ZFAT: variants seen among roughly 807,000 people sequenced by gnomAD.
ZFAT encodes the protein zinc finger protein ZFAT.
A neutral mutation model predicts 117.7 loss-of-function variants in ZFAT; 64 were observed. The ratio of observed to expected loss-of-function variants is 0.54; its 90% CI spans 0.44 to 0.67. The LOEUF (loss-of-function observed/expected upper bound fraction) is 0.67, where lower values mean the gene tolerates loss of function less well. Ranked by LOEUF, ZFAT falls within the 30% of genes least tolerant of loss-of-function variation. The pLI, the probability that ZFAT is intolerant of heterozygous loss-of-function variation, is 0.00. For missense variants in ZFAT, 1,433 were observed against 1,584.5 expected (o/e 0.90, Z 1.62); for synonymous variants, 679 against 615.0 (o/e 1.10, Z -1.54).
At chr8:134,612,601 C>A (rs943249912) in intron 3 of ZFAT, among the ~76,000 whole-genome samples, 3 of 152,226 alleles carry the variant, frequency 2.0e-5, no homozygotes, top group Admixed American at 1.3e-4. Context: ...GTTCGTCCCA[C>A]AATCCAGGTG....
rs759184164 is a variant in ZFAT at position 134,602,815 on chromosome 8, G to A, written c.904C>T (p.Pro302Ser). Residue 302 changes from proline to serine, a missense_variant, in exon 6 of 16, where the codon CCC (proline) becomes TCC (serine). Coordinates refer to ENST00000377838, the MANE Select transcript of ZFAT (RefSeq NM_020863.4). ...ATGGCACTGGCATAGCTGCACTGGG[G>A]GCACTTGTATGGCTTTTCATTGGTG... is the stretch of plus-strand genomic sequence containing the variant. Reference protein sequence around the residue: ...IHTNEKPYKCPQCSYASAIKA... With the variant: ...IHTNEKPYKCSQCSYASAIKA... 4 of 1,614,226 alleles carry A rather than the reference G, an allele frequency of 2.5e-6. No individual in the cohort carries two copies. The highest frequency in any genetic ancestry group is 2.2e-5 in the East Asian group (1 of 44,882).
chr8:134,740,748 A>G, the ZFAT span, among the ~76,000 whole-genome samples: 2 of 152,162 alleles, frequency 1.3e-5, no homozygotes, highest in Non-Finnish European at 2.9e-5. Flanking sequence ...AAAGACTCAG[A>G]GCTCATGTGC....
chr8:134,572,751 C>G (rs1007890319), intron 10 of ZFAT, among the ~76,000 whole-genome samples: 2 of 152,030 alleles, frequency 1.3e-5, no homozygotes, highest in Non-Finnish European at 2.9e-5. Context: ...TGGAGAAACA[C>G]TCTTGCAGAA....
chr8:134,601,636 T>C lies in ZFAT; in HGVS notation c.2083A>G (p.Ile695Val), dbSNP rs745594709. ...TTGCAAGAGTCAGGCTGATGTGTGA[T>C]GGTGTCCCCACCACCAGCTACTGGA... ...LPPVAGGGDT[I>V]THQPDSCKAA... The change falls in exon 6 of 16, where the codon ATC (isoleucine) becomes GTC (valine). Residue 695 changes from isoleucine (I) to valine (V), a missense_variant. Ile to Val is a conservative substitution (Grantham distance 29). Around this residue, in one of 5 missense-constraint regions of ZFAT, gnomAD observed 372 missense variants for 355.6 expected, o/e 1.05. Coordinates refer to ENST00000377838, the MANE Select transcript of ZFAT (RefSeq NM_020863.4). 1 of 1,614,102 alleles carries C rather than the reference T, an allele frequency of 6.2e-7. No individual in the cohort carries two copies. The highest frequency in any genetic ancestry group is 8.5e-7 in the Non-Finnish European group (1 of 1,180,052).
intron 2 of ZFAT, among the ~76,000 whole-genome samples, chr8:134,639,624 T>C (rs1463752814): frequency 6.6e-6 from 1 of 152,164 alleles, no homozygotes; most frequent in Non-Finnish European, 1.5e-5. Context: ...AGGAAAGAAA[T>C]ACAAGGTACA....
the ZFAT span, among the ~76,000 whole-genome samples, chr8:134,732,211 G>T: frequency 1.3e-5 from 2 of 152,244 alleles, no homozygotes; most frequent in African/African-American, 4.8e-5. Flanking sequence ...TTATGAGGCT[G>T]TGCCCGCTGC....
chr8:134,801,644 G>A, the ZFAT span, among the ~76,000 whole-genome samples: 4 of 151,972 alleles, frequency 2.6e-5, no homozygotes, highest in African/African-American at 9.7e-5. Flanking sequence ...TATTACAACC[G>A]TATTTTTTTC....
intron 11 of ZFAT, among the ~76,000 whole-genome samples, chr8:134,564,311 T>C (rs1824265465): frequency 6.6e-6 from 1 of 151,932 alleles, no homozygotes; most frequent in Admixed American, 6.6e-5. Context: ...CTCCATACCC[T>C]GACCACCTTG....
intron 1 of ZFAT, among the ~76,000 whole-genome samples, chr8:134,700,703 GC>G (rs1243226302): frequency 6.6e-6 from 1 of 152,108 alleles, no homozygotes; most frequent in Non-Finnish European, 1.5e-5. Flanking sequence ...TCCCTGCCTT[GC>G]CCCCTGCTGT....
chr8:134,771,287 G>T, the ZFAT span, among the ~76,000 whole-genome samples: 1,799 of 152,298 alleles, frequency 0.012, 41 homozygotes, highest in African/African-American at 0.041. Context: ...GATGCTTAAA[G>T]AAAACAGAAA....
At chr8:134,485,943 G>A (rs769028919) in intron 15 of ZFAT, among the ~76,000 whole-genome samples, 8 of 152,306 alleles carry the variant, frequency 5.3e-5, no homozygotes, top group East Asian at 1.9e-4. Context: ...CCTGGTGCCC[G>A]AGTTCCCCAC....
Position 134,606,258 on chromosome 8 carries a change from G to A in ZFAT, c.785+2471C>T, listed in dbSNP as rs556487266. Among the ~76,000 whole-genome samples the A allele has an allele frequency of 2.6e-5, 4 of 152,278 alleles. No individual in the cohort carries two copies. The South Asian group carries it at 8.3e-4, about 32-fold the overall frequency. ...CCTAAGAGCAAGACAAAGCCTAAAA[G>A]GGTAACAATCAGATGAGCATTTTTA... On this transcript the variant is annotated intron_variant, in intron 5 of 15. Transcript: ENST00000377838.
intron 15 of ZFAT, among the ~76,000 whole-genome samples, chr8:134,489,032 G>GA (rs77835938): frequency 0.11 from 13,756 of 128,444 alleles, 1,281 homozygotes; most frequent in African/African-American, 0.26. Flanking sequence ...AAACAAAGAG[G>GA]AAAAAAAAAA....
chr8:134,721,907 G>A, the ZFAT span, among the ~76,000 whole-genome samples: 1 of 152,220 alleles, frequency 6.6e-6, no homozygotes, highest in African/African-American at 2.4e-5. Flanking sequence ...ACAATTTGGT[G>A]TAGGAAAATT....
rs1011320041 is a variant in ZFAT at position 134,629,365 on chromosome 8, C to T, written c.448+8096G>A. Among the ~76,000 whole-genome samples the T allele has an allele frequency of 6.6e-5, 10 of 151,998 alleles. No homozygotes were observed. The South Asian group carries it at 1.2e-3, about 19-fold the overall frequency. ...GGCAAATGGATAAGAACCATGCGGC[C>T]GTCACTAGTGACGGTCACCAAGCAT... is the stretch of plus-strand genomic sequence containing the variant. On this transcript the variant is annotated intron_variant, in intron 3 of 15. Transcript: ENST00000377838.
At chr8:134,786,284 G>A in the ZFAT span, among the ~76,000 whole-genome samples, 1,183 of 152,200 alleles carry the variant, frequency 7.8e-3, 7 homozygotes, top group Admixed American at 0.013. Context: ...GTGCAACATG[G>A]AACAGATGTA....
intron 12 of ZFAT, 71 bp downstream of exon 12, chr8:134,532,763 A>G: frequency 6.4e-7 from 1 of 1,567,570 alleles, no homozygotes; most frequent in Non-Finnish European, 8.6e-7. Context: ...GGATGTCAGC[A>G]GCTCTTCCCA....
intron 11 of ZFAT, among the ~76,000 whole-genome samples, chr8:134,537,242 T>C (rs573205181): frequency 1.3e-5 from 2 of 152,344 alleles, no homozygotes; most frequent in African/African-American, 4.8e-5. Context: ...AGACTTGCCA[T>C]AGTTTCACAG....
At position 134,478,335 on chromosome 8, in the gene ZFAT, G is replaced by T; in HGVS notation, c.*147C>A. ...TGACTGCCTTGCCCACCCCAAGTTG[G>T]ACTAGGAGAGTCCTATCAGGCTGCT... On this transcript the variant is annotated 3_prime_UTR_variant, in exon 16 of 16. Coordinates refer to ENST00000377838, the MANE Select transcript of ZFAT (RefSeq NM_020863.4). The surrounding 1 kb of genome is among the most constrained non-coding windows in gnomAD (Gnocchi z 5.2). 1.6e-6 allele frequency: 2 copies of T among 1,256,766 alleles called. No individual in the cohort carries two copies. The highest frequency in any genetic ancestry group is 2.6e-5 in the East Asian group (1 of 39,164). The allele number at this position is 1,256,766 out of a possible 1,614,324, so 77.9% of individuals were successfully genotyped here. A position where few individuals can be genotyped will look rare whatever the true frequency, so the allele number is the denominator to read the frequency against.
Sources: allele counts gnomAD v4.1 joint callset (sites outside exome capture counted in the v4.1 genomes callset), GRCh38; gene constraint gnomAD v4.1.1; regional missense constraint gnomAD v4.1.1; non-coding constraint Gnocchi (gnomAD v3.1); transcripts MANE v1.5; gene names NCBI Gene and HGNC (gene_info 2026-07-23, HGNC 2026-07-21).